The following TACR3 variants were observed in gnomAD, a reference collection of about 807,000 sequenced individuals.
TACR3 encodes the protein neuromedin-K receptor.
TACR3 carries 34 observed loss-of-function variants against 35.0 expected under a neutral mutation model. The ratio of observed to expected loss-of-function variants is 0.97; its 90% CI spans 0.74 to 1.30. TACR3 has a LOEUF of 1.30. Among genes scored for constraint, TACR3 ranks in the 50% most tolerant of loss-of-function variants. The pLI is 0.00. For missense variants in TACR3, 558 were observed against 591.7 expected (o/e 0.94, Z 0.59); for synonymous variants, 233 against 221.1 (o/e 1.05, Z -0.48).
chr4:103,632,040 T>C (rs1338874250), intron 3 of TACR3, among the ~76,000 whole-genome samples: 1 of 152,156 alleles, frequency 6.6e-6, no homozygotes, highest in Non-Finnish European at 1.5e-5. Context: ...TTACATAATG[T>C]TATTATTTAC....
intron 3 of TACR3, among the ~76,000 whole-genome samples, chr4:103,607,413 G>C (rs1342607002): frequency 1.3e-5 from 2 of 151,746 alleles, no homozygotes; most frequent in African/African-American, 4.8e-5. Flanking sequence ...TCTTACCAGT[G>C]TTTAGTGTTA....
intron 1 of TACR3, among the ~76,000 whole-genome samples, chr4:103,668,076 C>T (rs373333514): frequency 1.3e-5 from 2 of 152,116 alleles, no homozygotes; most frequent in African/African-American, 4.8e-5. Flanking sequence ...AAGTGATGAG[C>T]CCACCTCAGT....
At chr4:103,607,801 G>A (rs963727754) in intron 3 of TACR3, among the ~76,000 whole-genome samples, 1 of 152,062 alleles carries the variant, frequency 6.6e-6, no homozygotes, top group Non-Finnish European at 1.5e-5. Flanking sequence ...TAGAGACAAA[G>A]GGCTGGAAAG....
intron 3 of TACR3, among the ~76,000 whole-genome samples, chr4:103,604,588 A>G (rs143692793): frequency 2.0e-5 from 3 of 152,264 alleles, no homozygotes; most frequent in Non-Finnish European, 2.9e-5. Context: ...AGAAACTACC[A>G]TGAGTGAACA....
intron 3 of TACR3, among the ~76,000 whole-genome samples, chr4:103,599,122 T>G (rs1724122193): frequency 6.6e-6 from 1 of 152,214 alleles, no homozygotes; most frequent in African/African-American, 2.4e-5. Flanking sequence ...TATCCTCTTT[T>G]ATTTCACTGA....
intron 1 of TACR3, among the ~76,000 whole-genome samples, chr4:103,686,715 T>A (rs115924428): frequency 0.022 from 3,277 of 152,248 alleles, 125 homozygotes; most frequent in African/African-American, 0.074. Context: ...AAGTTGGACT[T>A]AGCAGAGAGA....
intron 1 of TACR3, among the ~76,000 whole-genome samples, chr4:103,680,861 T>TTGA (rs1446209736): frequency 2.0e-5 from 3 of 151,886 alleles, no homozygotes; most frequent in African/African-American, 7.2e-5. Flanking sequence ...GAACATTATT[T>TTGA]TGATAGCTAT....
chr4:103,599,724 TG>T (rs201699181), intron 3 of TACR3, among the ~76,000 whole-genome samples: 1,603 of 152,340 alleles, frequency 0.011, 24 homozygotes, highest in African/African-American at 0.037. Flanking sequence ...ATGTGCTTTT[TG>T]TCATTGGTTC....
chr4:103,688,297 A>G (rs1722304516), intron 1 of TACR3, among the ~76,000 whole-genome samples: 1 of 152,200 alleles, frequency 6.6e-6, no homozygotes, highest in African/African-American at 2.4e-5. Context: ...TAAAAACCCT[A>G]GAAGAAAACC....
chr4:103,703,610 C>T (rs1218746363), intron 1 of TACR3, among the ~76,000 whole-genome samples: 1 of 152,024 alleles, frequency 6.6e-6, no homozygotes, highest in Non-Finnish European at 1.5e-5. Context: ...GAGCTGCAAA[C>T]CCCAGTTGTC....
At chr4:103,714,673 T>G (rs959130623) in intron 1 of TACR3, among the ~76,000 whole-genome samples, 2 of 152,184 alleles carry the variant, frequency 1.3e-5, no homozygotes, top group Non-Finnish European at 2.9e-5. Context: ...GAGTATTAAC[T>G]GCATGGAAAG....
Position 103,587,802 on chromosome 4 carries a change from T to G in TACR3, c.*1880A>C, listed in dbSNP as rs754455792. 5.3e-5 allele frequency: 8 copies of G among 152,186 alleles called. No individual in the cohort carries two copies. Among genetic ancestry groups the G allele is most frequent in the Admixed American group, 6.6e-5 (1 of 15,260 alleles). The allele number at this position is 152,186 out of a possible 1,614,324, so 9.4% of individuals were successfully genotyped here. A position where few individuals can be genotyped will look rare whatever the true frequency, so the allele number is the denominator to read the frequency against. On this transcript the variant is annotated 3_prime_UTR_variant, in exon 5 of 5. Transcript: ENST00000304883. ...AGAATGAACATTCAAAAACATTATATTCAAACAATTAGATACTATATATTA... is the reference window on the plus strand; with the variant it reads ...AGAATGAACATTCAAAAACATTATAGTCAAACAATTAGATACTATATATTA...
chr4:103,639,492 A>G (rs1329317404), intron 3 of TACR3, among the ~76,000 whole-genome samples: 1 of 152,056 alleles, frequency 6.6e-6, no homozygotes, highest in African/African-American at 2.4e-5. Flanking sequence ...CCTAGTGCTA[A>G]ATGACGAGTT....
At position 103,588,881 on chromosome 4, in the gene TACR3, A is replaced by C. The variant is rs1723832028; in HGVS notation, c.*801T>G. ...ACCTTTACTGTTTTATAATCTAGCT[A>C]TTTAAAAAATCTGTGAAAAATAAAA... On this transcript the variant is annotated 3_prime_UTR_variant, in exon 5 of 5. Coordinates refer to ENST00000304883, the MANE Select transcript of TACR3 (RefSeq NM_001059.3). 1 of 152,134 alleles carries C rather than the reference A, an allele frequency of 6.6e-6. No homozygotes were observed. 9.4% of individuals were successfully genotyped at this position (152,134 alleles called of 1,614,324 possible). A position where few individuals can be genotyped will look rare whatever the true frequency, so the allele number is the denominator to read the frequency against.
At chr4:103,595,338 C>A (rs905061020) in intron 3 of TACR3, among the ~76,000 whole-genome samples, 5 of 152,022 alleles carry the variant, frequency 3.3e-5, no homozygotes, top group Admixed American at 6.6e-5. Flanking sequence ...AAGTGGGTAG[C>A]CACCCATTAC....
chr4:103,597,106 G>T (rs1313128485), intron 3 of TACR3, among the ~76,000 whole-genome samples: 1 of 150,898 alleles, frequency 6.6e-6, no homozygotes, highest in Non-Finnish European at 1.5e-5. Flanking sequence ...TAATCCTTTG[G>T]GTATATACCC....
intron 3 of TACR3, among the ~76,000 whole-genome samples, chr4:103,640,649 C>G (rs915260891): frequency 6.6e-6 from 1 of 151,960 alleles, no homozygotes; most frequent in African/African-American, 2.4e-5. Flanking sequence ...GCTTGTCCAA[C>G]CCGTGGCCCA....
intron 1 of TACR3, among the ~76,000 whole-genome samples, chr4:103,683,053 A>G (rs1354950523): frequency 6.6e-6 from 1 of 152,114 alleles, no homozygotes; most frequent in Non-Finnish European, 1.5e-5. Flanking sequence ...ATATAAAGGT[A>G]ATGAAGATGA....
At chr4:103,614,955 C>T (rs1205980860) in intron 3 of TACR3, among the ~76,000 whole-genome samples, 1 of 120,494 alleles carries the variant, frequency 8.3e-6, no homozygotes, top group African/African-American at 3.2e-5. Context: ...AGTGCAGTGG[C>T]GCGATCTCCG....
Sources: allele counts gnomAD v4.1 joint callset (sites outside exome capture counted in the v4.1 genomes callset), GRCh38; gene constraint gnomAD v4.1.1; transcripts MANE v1.5; gene names NCBI Gene and HGNC (gene_info 2026-07-23, HGNC 2026-07-21).